Variants in SLC12A7 observed in about 807,000 individuals in gnomAD.
The protein encoded by SLC12A7 is K-Cl cotransporter 4.
A neutral mutation model predicts 120.6 loss-of-function variants in SLC12A7; 100 were observed. The ratio of observed to expected loss-of-function variants is 0.83; its 90% CI spans 0.71 to 0.98. The LOEUF is 0.98. SLC12A7 is among the 50% of genes least tolerant of loss of function. The pLI is 0.00. For synonymous variants in SLC12A7, 760 were observed against 678.0 expected, an observed-to-expected ratio of 1.12 and a Z score of -1.88; for missense variants, 1,373 against 1,548.1, an observed-to-expected ratio of 0.89 and a Z score of 1.90.
the SLC12A7 span, among the ~76,000 whole-genome samples, chr5:1,142,345 C>A: frequency 9.7e-6 from 1 of 102,650 alleles, no homozygotes; most frequent in African/African-American, 4.5e-5. Flanking sequence ...CCCCTCTCCC[C>A]TCTTCCCTCT....
At position 1,050,888 on chromosome 5, in the gene SLC12A7, G is replaced by A. The variant is rs1734964503; in HGVS notation, c.*1472C>T. The A allele has an allele frequency of 2.5e-6, 1 of 398,662 alleles. No homozygotes were observed. The highest frequency in any genetic ancestry group is 4.4e-6 in the Non-Finnish European group (1 of 226,068). The allele number at this position is 398,662 out of a possible 1,614,324, so 24.7% of individuals were successfully genotyped here. On this transcript the variant is annotated 3_prime_UTR_variant, in exon 24 of 24. Coordinates refer to ENST00000264930, the MANE Select transcript of SLC12A7 (RefSeq NM_006598.3). The stretch of plus-strand genomic sequence containing the variant: ...CTCAGAAACATCTGGGGGCACAAGT[G>A]CAGCCTCTGCCCCGATTTGAACTTT...
the SLC12A7 span, among the ~76,000 whole-genome samples, chr5:1,153,415 G>A: frequency 5.3e-5 from 8 of 152,222 alleles, no homozygotes; most frequent in Non-Finnish European, 4.4e-5. Context: ...ACCTTCACCT[G>A]CCCCCACACG....
intron 13 of SLC12A7, 40 bp downstream of exon 13, chr5:1,076,654 C>T (rs757886723): frequency 1.3e-6 from 2 of 1,491,390 alleles, no homozygotes; most frequent in Non-Finnish European, 1.9e-6. Context: ...GCTCCAGGCC[C>T]ATACACCCAT....
At chr5:1,151,938 C>A in the SLC12A7 span, among the ~76,000 whole-genome samples, 1 of 152,198 alleles carries the variant, frequency 6.6e-6, no homozygotes, top group Admixed American at 6.5e-5. This position sits in a 1 kb window ranked among gnomAD's most constrained non-coding sequence, Gnocchi z 6.2. Context: ...CTGAAACCGT[C>A]CCACAGAGGA....
At chr5:1,114,736 C>T (rs534593672), upstream of SLC12A7, among the ~76,000 whole-genome samples, 4 of 150,882 alleles carry the variant, frequency 2.7e-5, no homozygotes, top group Admixed American at 6.6e-5. Flanking sequence ...TGCTGGGATC[C>T]GGGTCCAGTC....
At chr5:1,102,981 C>T (rs957673422) in intron 1 of SLC12A7, among the ~76,000 whole-genome samples, 1 of 152,170 alleles carries the variant, frequency 6.6e-6, no homozygotes, top group Non-Finnish European at 1.5e-5. Flanking sequence ...GTGAAGGTGC[C>T]GGGCACTGAA....
chr5:1,057,519 C>G lies in SLC12A7; in HGVS notation c.2978G>C (p.Ser993Thr), dbSNP rs1294057156. The change falls in exon 22 of 24, where the codon AGC (serine) becomes ACC (threonine). Residue 993 changes from serine to threonine, a missense_variant. Transcript: ENST00000264930. ...GAAACCAGATAGGCTGGTGTCTCTG[C>G]TCCTGTACTTCTCAGCGATCAGCTT... is the stretch of plus-strand genomic sequence containing the variant. Reference protein sequence around the residue: ...REKLIAEKYRSRDTSLSGFKD... With the variant: ...REKLIAEKYRTRDTSLSGFKD... 1.9e-6 allele frequency: 3 copies of G among 1,613,412 alleles called. No homozygotes were observed. The East Asian group carries it at 6.7e-5, about 36-fold the overall frequency.
chr5:1,077,732 C>T (rs922244879), intron 12 of SLC12A7, 101 bp downstream of exon 12: 48 of 1,248,276 alleles, frequency 3.8e-5, no homozygotes, highest in Non-Finnish European at 5.1e-5. Flanking sequence ...GTCCAAGCCG[C>T]GGGCATGCGT....
At chr5:1,102,462 G>A (rs995702105) in intron 1 of SLC12A7, among the ~76,000 whole-genome samples, 2 of 152,098 alleles carry the variant, frequency 1.3e-5, no homozygotes, top group African/African-American at 2.4e-5. Context: ...GCCATTCTCC[G>A]CAAAGGGCTC....
At chr5:1,095,167 C>G (rs981596942) in intron 1 of SLC12A7, among the ~76,000 whole-genome samples, 1 of 152,128 alleles carries the variant, frequency 6.6e-6, no homozygotes, top group Non-Finnish European at 1.5e-5. Flanking sequence ...TGGGAGGACA[C>G]GGCAGGGAAC....
At chr5:1,074,369 ACCC>A (rs966823034) in intron 16 of SLC12A7, among the ~76,000 whole-genome samples, 195 bp downstream of exon 16, 1 of 151,452 alleles carries the variant, frequency 6.6e-6, no homozygotes, top group African/African-American at 2.4e-5. Flanking sequence ...GGCTCCCCAC[ACCC>A]CCACCCTGCA....
the SLC12A7 span, among the ~76,000 whole-genome samples, chr5:1,119,296 C>T: frequency 0.62 from 94,919 of 152,114 alleles, 29,806 homozygotes; most frequent in African/African-American, 0.66. Context: ...CACTTTTTCC[C>T]AGAGCCCTTT....
the SLC12A7 span, among the ~76,000 whole-genome samples, chr5:1,147,415 G>A: frequency 1.3e-5 from 2 of 149,630 alleles, no homozygotes; most frequent in East Asian, 3.9e-4. Context: ...GGAGAGACCC[G>A]CCGAGGGTCC....
chr5:1,067,126 T>G (rs1340555673), intron 17 of SLC12A7, among the ~76,000 whole-genome samples: 1 of 152,152 alleles, frequency 6.6e-6, no homozygotes, highest in Non-Finnish European at 1.5e-5. Context: ...GTCCTTACCC[T>G]GCTCTCCAGA....
intron 22 of SLC12A7, among the ~76,000 whole-genome samples, chr5:1,053,913 T>G (rs1474559713): frequency 6.6e-6 from 1 of 152,168 alleles, no homozygotes. Context: ...AAACCCCACG[T>G]CAGACACTGC....
intron 19 of SLC12A7, 52 bp from the exon 20 acceptor site, chr5:1,064,027 C>T (rs1736635133): frequency 6.2e-7 from 1 of 1,603,248 alleles, no homozygotes; most frequent in Non-Finnish European, 8.5e-7. Context: ...CCGTCCCGGC[C>T]CGCAGCACGT....
rs186362948 is a variant in SLC12A7, at chr5:1,062,666, C to A, written c.2739+1178G>T. Among the ~76,000 whole-genome samples the A allele has an allele frequency of 7.5e-3, 1,139 of 150,974 alleles. 12 individuals are homozygous for A. The highest frequency in any genetic ancestry group is 0.026 in the African/African-American group (1,058 of 41,114). On this transcript the variant is annotated intron_variant, in intron 20 of 23. Coordinates refer to ENST00000264930, the MANE Select transcript of SLC12A7 (RefSeq NM_006598.3). The stretch of plus-strand genomic sequence containing the variant: ...GCAGGTGCTCGGGGCCTCTGCCATA[C>A]CCAGGGCTGGGGGGCTGGGGGGCTG...
intron 3 of SLC12A7, among the ~76,000 whole-genome samples, chr5:1,091,303 G>A (rs1374020009): frequency 3.9e-5 from 6 of 152,232 alleles, no homozygotes; most frequent in Non-Finnish European, 7.3e-5. Context: ...CAAGTAGGGT[G>A]AGAGAAGCTG....
At chr5:1,056,127 G>T (rs930998344) in intron 22 of SLC12A7, among the ~76,000 whole-genome samples, 1 of 152,158 alleles carries the variant, frequency 6.6e-6, no homozygotes, top group African/African-American at 2.4e-5. Context: ...CCGAGGGTCC[G>T]ACCACACAGA....
Sources: allele counts gnomAD v4.1 joint callset (sites outside exome capture counted in the v4.1 genomes callset), GRCh38; gene constraint gnomAD v4.1.1; non-coding constraint Gnocchi (gnomAD v3.1); transcripts MANE v1.5; gene names NCBI Gene and HGNC (gene_info 2026-07-23, HGNC 2026-07-21).